The following RBFOX1 variants were observed in gnomAD, a reference collection of about 807,000 sequenced individuals.
RBFOX1 encodes RNA binding protein fox-1 homolog 1.
Under a neutral mutation model 57.7 loss-of-function variants are expected in RBFOX1, and 8 were observed. The observed-to-expected ratio is 0.14, with a 90% CI of 0.08 to 0.25. The LOEUF (loss-of-function observed/expected upper bound fraction) is 0.25. Ranked by LOEUF, RBFOX1 falls within the 10% of genes least tolerant of loss-of-function variation. RBFOX1 has a pLI of 1.00. For missense variants in RBFOX1, 611 were observed against 548.5 expected (o/e 1.11, Z -1.14); for synonymous variants, 326 against 222.4 (o/e 1.47, Z -4.15).
chr16:6,484,042 C>A, intron 2 of RBFOX1: 2 of 604,448 alleles, frequency 3.3e-6, no homozygotes, highest in South Asian at 7.2e-5. Context: ...GATTGGGGAG[C>A]CCGGAGATGC....
chr16:7,111,864 T>G (rs1458351333), intron 4 of RBFOX1, among the ~76,000 whole-genome samples: 3 of 152,102 alleles, frequency 2.0e-5, no homozygotes, highest in African/African-American at 7.2e-5. Context: ...TTGTATAAAT[T>G]GATCAGTTGA....
intron 4 of RBFOX1, among the ~76,000 whole-genome samples, chr16:7,485,590 C>A (rs1445967301): frequency 6.6e-6 from 1 of 152,176 alleles, no homozygotes; most frequent in African/African-American, 2.4e-5. Flanking sequence ...TCCCTACTCC[C>A]CCAGGCAAGA....
chr16:5,651,484 C>G lies in RBFOX1; in HGVS notation c.318+52523C>G, dbSNP rs376938062. On this transcript the variant is annotated intron_variant, in intron 3 of 19. Coordinates refer to the RBFOX1 transcript ENST00000641259. The stretch of plus-strand genomic sequence containing the variant: ...TCCTGCCCCAGGCCACCTTGCAGAA[C>G]GGAGGGACCAAAGCACAGGTTGCCT... Among the ~76,000 whole-genome samples the G allele has an allele frequency of 7.2e-5, 11 of 152,248 alleles. No homozygotes were observed. In the South Asian group the frequency reaches 2.1e-3, roughly 29 times the overall value.
At chr16:7,553,816 G>A (rs533902553) in intron 5 of RBFOX1, among the ~76,000 whole-genome samples, 1 of 152,330 alleles carries the variant, frequency 6.6e-6, no homozygotes, top group African/African-American at 2.4e-5. Flanking sequence ...GAGCTAAGAA[G>A]AGACAAGATT....
At chr16:7,060,217 G>A (rs910831571) in intron 4 of RBFOX1, among the ~76,000 whole-genome samples, 2 of 152,132 alleles carry the variant, frequency 1.3e-5, no homozygotes, top group African/African-American at 4.8e-5. Context: ...CACAAAAGCA[G>A]CCATAGATAA....
At chr16:5,859,964 C>G (rs1053046393) in intron 3 of RBFOX1, among the ~76,000 whole-genome samples, 2 of 152,328 alleles carry the variant, frequency 1.3e-5, no homozygotes, top group Non-Finnish European at 2.9e-5. Flanking sequence ...TCCCGTGGGA[C>G]TGATCCCAAA....
Position 5,935,026 on chromosome 16 carries a change from G to A in RBFOX1, c.351+67691G>A, listed in dbSNP as rs148593192. On this transcript the variant is annotated intron_variant, in intron 4 of 19. Transcript: ENST00000641259. ...AGAATATCGAAGGGTCAATCTTTGG[G>A]CCACATGATTAAACAAGTGTCTACA... is the stretch of plus-strand genomic sequence containing the variant. Among the ~76,000 whole-genome samples the A allele has an allele frequency of 7.9e-5, 12 of 152,224 alleles. No individual in the cohort carries two copies. In the East Asian group the frequency reaches 2.3e-3, roughly 30 times the overall value.
At chr16:6,741,989 TG>T (rs929358636) in intron 3 of RBFOX1, among the ~76,000 whole-genome samples, 8 of 152,186 alleles carry the variant, frequency 5.3e-5, no homozygotes, top group Admixed American at 5.2e-4. Context: ...AGATTTCAAA[TG>T]TTTTCACCAC....
At chr16:7,427,869 G>T (rs751853760) in intron 4 of RBFOX1, among the ~76,000 whole-genome samples, 1 of 152,052 alleles carries the variant, frequency 6.6e-6, no homozygotes, top group Non-Finnish European at 1.5e-5. Flanking sequence ...TCCCAGCTTG[G>T]TCTCAAACCC....
chr16:6,655,866 G>T (rs1278356948), intron 3 of RBFOX1, among the ~76,000 whole-genome samples: 1 of 152,156 alleles, frequency 6.6e-6, no homozygotes, highest in African/African-American at 2.4e-5. Context: ...CATGTCTGCT[G>T]ATTAATAAGG....
At chr16:5,903,119 GGTGT>G (rs1022318386) in intron 4 of RBFOX1, among the ~76,000 whole-genome samples, 2 of 151,846 alleles carry the variant, frequency 1.3e-5, no homozygotes, top group African/African-American at 4.8e-5. Context: ...TGTGGGTGTG[GGTGT>G]GTGTATGTGA....
chr16:6,593,000 C>T (rs373285771), intron 2 of RBFOX1, among the ~76,000 whole-genome samples: 17 of 152,142 alleles, frequency 1.1e-4, no homozygotes, highest in African/African-American at 3.9e-4. Context: ...CACGACTAGC[C>T]CGGCCAACAT....
chr16:6,245,746 A>G (rs1296935048), intron 1 of RBFOX1, among the ~76,000 whole-genome samples: 1 of 152,208 alleles, frequency 6.6e-6, no homozygotes, highest in Non-Finnish European at 1.5e-5. Context: ...ACCTGAGAAT[A>G]ACATCTGCAG....
At chr16:6,272,448 A>G (rs2075310648) in intron 1 of RBFOX1, among the ~76,000 whole-genome samples, 1 of 152,208 alleles carries the variant, frequency 6.6e-6, no homozygotes, top group Non-Finnish European at 1.5e-5. Flanking sequence ...CTTTTTAAAA[A>G]TTTAAGGGGA....
intron 2 of RBFOX1, among the ~76,000 whole-genome samples, chr16:6,335,539 G>A (rs565171170): frequency 5.3e-5 from 8 of 152,056 alleles, no homozygotes; most frequent in African/African-American, 1.9e-4. Flanking sequence ...CAGCACTTTG[G>A]GAGGCCGAGG....
intron 3 of RBFOX1, among the ~76,000 whole-genome samples, chr16:7,046,867 A>G (rs1002330981): frequency 3.9e-5 from 6 of 152,008 alleles, no homozygotes; most frequent in East Asian, 1.9e-4. Flanking sequence ...CGGTCTTTCA[A>G]AGTTCTGGAA....
chr16:7,083,649 T>C (rs2059540901), intron 4 of RBFOX1, among the ~76,000 whole-genome samples: 1 of 152,144 alleles, frequency 6.6e-6, no homozygotes, highest in Non-Finnish European at 1.5e-5. Context: ...TTAATCAGTT[T>C]AATTTTAAAT....
At chr16:7,703,853 C>T (rs1197803011) in intron 14 of RBFOX1, among the ~76,000 whole-genome samples, 1 of 152,202 alleles carries the variant, frequency 6.6e-6, no homozygotes, top group Non-Finnish European at 1.5e-5. Flanking sequence ...CCAAAAGCAT[C>T]TGTAATTTGA....
At chr16:5,245,007 A>C (rs911661255) in intron 1 of RBFOX1, among the ~76,000 whole-genome samples, 1 of 152,202 alleles carries the variant, frequency 6.6e-6, no homozygotes. Context: ...CTCAGTTGGA[A>C]AGGCTTTGGA....
Sources: allele counts gnomAD v4.1 joint callset (sites outside exome capture counted in the v4.1 genomes callset), GRCh38; gene constraint gnomAD v4.1.1; transcripts MANE v1.5; gene names NCBI Gene and HGNC (gene_info 2026-07-23, HGNC 2026-07-21).